PALM2AKAP2: variants seen among roughly 807,000 people sequenced by gnomAD.
PALM2AKAP2 encodes PALM2 and AKAP2 fusion, also known as PALM2-AKAP2 fusion protein.
In PALM2AKAP2, 37 loss-of-function variants were observed where a neutral mutation model predicts 71.5. That is an observed-to-expected ratio of 0.52 (90% CI 0.40 to 0.68). PALM2AKAP2 has a LOEUF of 0.68. Ranked by LOEUF, PALM2AKAP2 falls within the 30% of genes least tolerant of loss-of-function variation. The pLI is 0.00. For synonymous variants in PALM2AKAP2, 468 were observed against 478.8 expected (o/e 0.98, Z 0.29); for missense variants, 1,224 against 1,191.8 (o/e 1.03, Z -0.40).
intron 1 of PALM2AKAP2, among the ~76,000 whole-genome samples, chr9:109,769,071 A>G (rs7023038): frequency 0.3 from 46,006 of 151,302 alleles, 8,695 homozygotes; most frequent in African/African-American, 0.52. Flanking sequence ...TTTTACTTGC[A>G]TTAGTTTGTT....
intron 3 of PALM2AKAP2, among the ~76,000 whole-genome samples, chr9:109,890,775 T>C (rs1830070312): frequency 6.6e-6 from 1 of 152,176 alleles, no homozygotes; most frequent in African/African-American, 2.4e-5. Flanking sequence ...AATCAGAGAA[T>C]GGAGGCCTAA....
Position 109,915,734 on chromosome 9 carries a change from A to G in PALM2AKAP2, c.258-8001A>G, listed in dbSNP as rs189255963. Among the ~76,000 whole-genome samples, 458 of 152,240 alleles carry G rather than the reference A, an allele frequency of 3.0e-3. 3 individuals are homozygous for G. Among genetic ancestry groups the G allele is most frequent in the African/African-American group, 0.01 (430 of 41,540 alleles). On this transcript the variant is annotated intron_variant, in intron 3 of 9. Coordinates refer to the PALM2AKAP2 transcript ENST00000302798. The stretch of plus-strand genomic sequence containing the variant: ...CCTAATCCTTATGATTATTATTGTT[A>G]CATATATTACTGTATCTAGCAAAAA...
chr9:109,659,247 G>A (rs1213631272), intron 1 of PALM2AKAP2, among the ~76,000 whole-genome samples: 1 of 152,162 alleles, frequency 6.6e-6, no homozygotes, highest in South Asian at 2.1e-4. Flanking sequence ...ACCACACAAT[G>A]AATCCATTTA....
At chr9:109,976,807 G>A (rs889842783) in intron 6 of PALM2AKAP2, among the ~76,000 whole-genome samples, 1 of 152,144 alleles carries the variant, frequency 6.6e-6, no homozygotes, top group East Asian at 1.9e-4. Context: ...AAGAGTCTGA[G>A]GCTCAAAGGA....
intron 6 of PALM2AKAP2, among the ~76,000 whole-genome samples, chr9:110,011,534 T>A (rs1832885088): frequency 6.6e-6 from 1 of 152,180 alleles, no homozygotes. Context: ...TAAGCTATCC[T>A]CCTACCCACT....
At chr9:109,923,998 C>T (rs954560619) in intron 4 of PALM2AKAP2, 149 bp downstream of exon 4, 1 of 817,964 alleles carries the variant, frequency 1.2e-6, no homozygotes, top group African/African-American at 1.7e-5. Flanking sequence ...GTGTGAGGAC[C>T]AGGGGCCATC....
chr9:109,670,700 C>T lies in PALM2AKAP2; in HGVS notation c.5+29834C>T, dbSNP rs143604542. Among the ~76,000 whole-genome samples, 1,371 of 152,256 alleles carry T rather than the reference C, an allele frequency of 9.0e-3. 7 individuals are homozygous for T. The highest frequency in any genetic ancestry group is 0.017 in the South Asian group (81 of 4,832). On this transcript the variant is annotated intron_variant, in intron 1 of 6. Transcript: ENST00000374531. The stretch of plus-strand genomic sequence containing the variant: ...GGTCTTTGAGGAATTGCCACACTGT[C>T]TTCCACGATGGTTGAACTAATTTAC...
At chr9:109,794,832 A>T (rs1827207314) in intron 1 of PALM2AKAP2, among the ~76,000 whole-genome samples, 1 of 152,268 alleles carries the variant, frequency 6.6e-6, no homozygotes, top group Non-Finnish European at 1.5e-5. Flanking sequence ...GGAAGATAGC[A>T]GAGCCATAAT....
intron 7 of PALM2AKAP2, among the ~76,000 whole-genome samples, chr9:110,030,113 G>T (rs1348893444): frequency 2.0e-5 from 3 of 152,320 alleles, no homozygotes; most frequent in South Asian, 2.1e-4. Context: ...TTACTAATGT[G>T]CAAAGAGAGA....
chr9:109,902,188 T>A (rs1830345325), intron 3 of PALM2AKAP2, among the ~76,000 whole-genome samples: 1 of 152,218 alleles, frequency 6.6e-6, no homozygotes. Context: ...ACTTCACCCA[T>A]CTGCAAAGTG....
At chr9:110,014,031 A>G (rs1832929029) in intron 6 of PALM2AKAP2, among the ~76,000 whole-genome samples, 1 of 152,218 alleles carries the variant, frequency 6.6e-6, no homozygotes. Context: ...CTTTCACTCT[A>G]CAAGGGCAGA....
At chr9:109,651,405 T>G (rs1483816106) in intron 1 of PALM2AKAP2, among the ~76,000 whole-genome samples, 1 of 152,232 alleles carries the variant, frequency 6.6e-6, no homozygotes, top group Non-Finnish European at 1.5e-5. Context: ...TATCACTTTG[T>G]TAGCCCCTGG....
intron 1 of PALM2AKAP2, among the ~76,000 whole-genome samples, chr9:109,787,915 A>G (rs1463490647): frequency 3.3e-5 from 5 of 152,230 alleles, no homozygotes. Flanking sequence ...TCATAAGGAT[A>G]CTGTGAAGTA....
At chr9:109,735,792 T>G (rs1828621362) in intron 1 of PALM2AKAP2, among the ~76,000 whole-genome samples, 1 of 152,168 alleles carries the variant, frequency 6.6e-6, no homozygotes, top group South Asian at 2.1e-4. Flanking sequence ...TCATGCACCT[T>G]TTCATCATGC....
chr9:110,089,709 T>C (rs2118774147), intron 1 of PALM2AKAP2, among the ~76,000 whole-genome samples: 1 of 152,254 alleles, frequency 6.6e-6, no homozygotes, highest in East Asian at 1.9e-4. Flanking sequence ...CATCCCTTTT[T>C]GCACCTGCCT....
chr9:109,952,071 T>C (rs1831654592), intron 6 of PALM2AKAP2, among the ~76,000 whole-genome samples: 3 of 152,232 alleles, frequency 2.0e-5, no homozygotes, highest in Non-Finnish European at 4.4e-5. Context: ...GCATAGTTTT[T>C]CAATAAATGG....
chr9:109,688,796 A>G (rs1827838729), intron 1 of PALM2AKAP2, among the ~76,000 whole-genome samples: 1 of 152,260 alleles, frequency 6.6e-6, no homozygotes, highest in Non-Finnish European at 1.5e-5. Context: ...GCTTCTAAAA[A>G]GTACATAATG....
chr9:109,997,279 T>A (rs937102829), intron 6 of PALM2AKAP2, among the ~76,000 whole-genome samples: 1 of 152,210 alleles, frequency 6.6e-6, no homozygotes, highest in Non-Finnish European at 1.5e-5. Context: ...TTTTAACTTT[T>A]GCAAGCCTGT....
At chr9:109,789,681 G>C (rs932941227) in intron 1 of PALM2AKAP2, among the ~76,000 whole-genome samples, 2 of 152,138 alleles carry the variant, frequency 1.3e-5, no homozygotes, top group African/African-American at 4.8e-5. Flanking sequence ...ACAGCATGGC[G>C]GAGTTTGTAG....
Sources: allele counts gnomAD v4.1 joint callset (sites outside exome capture counted in the v4.1 genomes callset), GRCh38; gene constraint gnomAD v4.1.1; transcripts MANE v1.5; gene names NCBI Gene and HGNC (gene_info 2026-07-23, HGNC 2026-07-21).